NALF1: variants seen among roughly 807,000 people sequenced by gnomAD.
The protein encoded by NALF1 is family with sequence similarity 155 member A.
NALF1 carries 3 observed loss-of-function variants against 48.4 expected under a neutral mutation model. That is an observed-to-expected ratio of 0.06 (90% CI 0.03 to 0.16). The LOEUF is 0.16. Ranked by LOEUF, NALF1 falls within the 10% of genes least tolerant of loss-of-function variation. The probability of loss-of-function intolerance (pLI) is 1.00; values close to 1 mark genes in which losing one functional copy is unlikely to be tolerated. For missense variants in NALF1, 526 were observed against 571.5 expected (o/e 0.92, Z 0.81); for synonymous variants, 262 against 245.7 (o/e 1.07, Z -0.62).
At chr13:107,800,495 T>A (rs1036828361) in intron 1 of NALF1, among the ~76,000 whole-genome samples, 12 of 150,590 alleles carry the variant, frequency 8.0e-5, no homozygotes, top group African/African-American at 2.9e-4. Context: ...AACTTCAATG[T>A]GTACCATCAT....
intron 1 of NALF1, among the ~76,000 whole-genome samples, chr13:107,428,015 T>C (rs1884308925): frequency 6.6e-6 from 1 of 152,160 alleles, no homozygotes; most frequent in Non-Finnish European, 1.5e-5. Flanking sequence ...AATGAAGTAA[T>C]TGGCAAGACA....
chr13:107,257,950 A>G (rs1419648842), intron 1 of NALF1, among the ~76,000 whole-genome samples: 2 of 152,246 alleles, frequency 1.3e-5, no homozygotes, highest in African/African-American at 2.4e-5. Context: ...GCTCCTTTAC[A>G]TAGTGAAATA....
chr13:107,551,370 A>G (rs1486307882), intron 1 of NALF1, among the ~76,000 whole-genome samples: 1 of 152,146 alleles, frequency 6.6e-6, no homozygotes, highest in Non-Finnish European at 1.5e-5. Context: ...TATCATCATT[A>G]TGTGAATCCA....
intron 1 of NALF1, among the ~76,000 whole-genome samples, chr13:107,529,195 T>C (rs1331833358): frequency 6.6e-6 from 1 of 152,156 alleles, no homozygotes; most frequent in African/African-American, 2.4e-5. Flanking sequence ...GTTCTCTCAG[T>C]GCTTAGCATA....
intron 1 of NALF1, among the ~76,000 whole-genome samples, chr13:107,785,043 G>T (rs1489754155): frequency 1.3e-5 from 2 of 151,362 alleles, no homozygotes; most frequent in African/African-American, 4.9e-5. Context: ...GATAAACTGT[G>T]GTGTGTGTGT....
intron 1 of NALF1, among the ~76,000 whole-genome samples, chr13:107,756,440 T>A (rs1877096168): frequency 1.3e-5 from 2 of 149,156 alleles, no homozygotes; most frequent in African/African-American, 5.0e-5. Flanking sequence ...AATGGCTATA[T>A]ATATATATAT....
Position 107,362,460 on chromosome 13 carries a change from A to G in NALF1, c.916-151705T>C, listed in dbSNP as rs1386199576. ...TTGGAGGTATCAGGCAATCGGTGAC[A>G]TCTCTTGATTTGCAGCTGCATGACT... On this transcript the variant is annotated intron_variant, in intron 1 of 2. Coordinates refer to ENST00000375915, the MANE Select transcript of NALF1 (RefSeq NM_001080396.3). The surrounding 1 kb of genome is among the most constrained non-coding windows in gnomAD (Gnocchi z 4.6). 6.6e-6 allele frequency among the ~76,000 whole-genome samples: 1 copy of G among 152,014 alleles called. No homozygotes were observed. The highest frequency in any genetic ancestry group is 6.6e-5 in the Admixed American group (1 of 15,254).
In NALF1 at chr13:107,260,862, T is replaced by C. The variant is rs1396559313; in HGVS notation, c.916-50107A>G. 2.6e-5 allele frequency among the ~76,000 whole-genome samples: 4 copies of C among 152,184 alleles called. No homozygotes were observed. The East Asian group carries it at 7.7e-4, about 29-fold the overall frequency. On this transcript the variant is annotated intron_variant, in intron 1 of 2. Coordinates refer to ENST00000375915, the MANE Select transcript of NALF1 (RefSeq NM_001080396.3). ...AAGGAGTTAAGGAGTTCTATAAGCC[T>C]GGGTTCTAGCCGATGGAATGCAAAT...
At chr13:107,678,661 G>T (rs1881195145) in intron 1 of NALF1, among the ~76,000 whole-genome samples, 2 of 152,280 alleles carry the variant, frequency 1.3e-5, no homozygotes, top group South Asian at 4.1e-4. Context: ...AGTGTGGCTG[G>T]GGAGAACTCA....
At chr13:107,561,716 G>C (rs1877652318) in intron 1 of NALF1, among the ~76,000 whole-genome samples, 1 of 152,176 alleles carries the variant, frequency 6.6e-6, no homozygotes. Flanking sequence ...CTGTATGAAA[G>C]TTTCACCAGT....
chr13:107,647,332 T>G (rs543747816), intron 1 of NALF1, among the ~76,000 whole-genome samples: 2 of 152,154 alleles, frequency 1.3e-5, no homozygotes, highest in Admixed American at 6.6e-5. Flanking sequence ...ATTTTGTCCT[T>G]TTTTACCATA....
rs145023789 is a variant in NALF1 at position 107,611,878 on chromosome 13, G to A, written c.915+253804C>T. Among the ~76,000 whole-genome samples the A allele has an allele frequency of 8.5e-4, 128 of 150,648 alleles. 2 individuals carry two copies. In the East Asian group the frequency reaches 0.018, roughly 21 times the overall value. On this transcript the variant is annotated intron_variant, in intron 1 of 2. Transcript: ENST00000375915. ...TTCGGGGTTACAGTGAGCTAAGATT[G>A]CACCACTGCACTCCAGCCTGGATGA...
rs772161115 is a variant in NALF1 at position 107,308,199 on chromosome 13, C to CTTTTTTT, written c.916-97451_916-97445dup. Among the ~76,000 whole-genome samples the CTTTTTTT allele has an allele frequency of 1.8e-4, 18 of 98,182 alleles. 1 individual carries two copies. Among genetic ancestry groups the CTTTTTTT allele is most frequent in the East Asian group, 3.3e-4 (1 of 3,008 alleles). The allele number at this position is 98,182 out of a possible 152,430, so 64.4% of individuals were successfully genotyped here. On this transcript the variant is annotated intron_variant, in intron 1 of 2. Coordinates refer to ENST00000375915, the MANE Select transcript of NALF1 (RefSeq NM_001080396.3). ...TACTTTTTTGTATTTTGTGTCTATG[C>CTTTTTTT]TTTTTTTTTTTTTTTTTTTTTAGAC...
At chr13:107,347,265 C>T (rs1882790399) in intron 1 of NALF1, among the ~76,000 whole-genome samples, 1 of 152,190 alleles carries the variant, frequency 6.6e-6, no homozygotes. Flanking sequence ...CACATCATCA[C>T]TCTGTGCTAG....
chr13:107,776,838 C>T (rs1446140025), intron 1 of NALF1, among the ~76,000 whole-genome samples: 1 of 152,186 alleles, frequency 6.6e-6, no homozygotes, highest in African/African-American at 2.4e-5. Flanking sequence ...TGCCTGCAAT[C>T]CCAAAACTTT....
intron 2 of NALF1, among the ~76,000 whole-genome samples, chr13:107,184,191 A>G (rs1428591147): frequency 1.3e-5 from 2 of 152,098 alleles, no homozygotes; most frequent in Non-Finnish European, 2.9e-5. Context: ...TAAAAAAAAA[A>G]AAGAGAAATC....
intron 1 of NALF1, among the ~76,000 whole-genome samples, chr13:107,466,844 TG>T (rs1328521714): frequency 4.2e-5 from 6 of 144,168 alleles, no homozygotes; most frequent in African/African-American, 1.8e-4. Flanking sequence ...TTTCTGGTTT[TG>T]TTTTCTTTCA....
intron 1 of NALF1, among the ~76,000 whole-genome samples, chr13:107,752,158 T>C (rs1391164047): frequency 2.0e-5 from 3 of 152,046 alleles, no homozygotes. Context: ...GAATGATATA[T>C]CCATTACAAA....
intron 1 of NALF1, among the ~76,000 whole-genome samples, chr13:107,384,453 A>C (rs1412232471): frequency 6.6e-6 from 1 of 151,822 alleles, no homozygotes; most frequent in Non-Finnish European, 1.5e-5. Context: ...CAAGCAAATT[A>C]CTCCTTCAAA....
Sources: gnomAD v4.1 joint callset for allele counts (sites outside exome capture counted in the v4.1 genomes callset) on GRCh38, gnomAD v4.1.1 for gene constraint, Gnocchi (gnomAD v3.1) non-coding constraint, MANE v1.5 for transcripts, NCBI Gene and HGNC (gene_info 2026-07-23, HGNC 2026-07-21) for gene names.